ASAP1: variants seen among roughly 807,000 people sequenced by gnomAD.
The protein encoded by ASAP1 is ArfGAP with SH3 domain, ankyrin repeat and PH domain 1, also known as arf-GAP with SH3 domain, ANK repeat and PH domain-containing protein 1.
In ASAP1, 43 loss-of-function variants were observed where a neutral mutation model predicts 145.2. The ratio of observed to expected loss-of-function variants is 0.30; its 90% CI spans 0.23 to 0.38. The LOEUF is 0.38. Among genes scored for constraint, ASAP1 ranks in the 10% least tolerant of loss-of-function variants. The pLI is 1.00. For missense variants in ASAP1, 1,018 were observed against 1,355.3 expected, an observed-to-expected ratio of 0.75 and a Z score of 3.91; for synonymous variants, 546 against 515.5, an observed-to-expected ratio of 1.06 and a Z score of -0.80.
chr8:130,405,577 G>C (rs564208704), intron 1 of ASAP1, among the ~76,000 whole-genome samples: 1 of 152,148 alleles, frequency 6.6e-6, no homozygotes, highest in African/African-American at 2.4e-5. Flanking sequence ...CCTTGTCAGC[G>C]AGCCTCTTTA....
chr8:130,200,580 GA>G (rs1815804872), intron 5 of ASAP1, among the ~76,000 whole-genome samples: 1 of 152,044 alleles, frequency 6.6e-6, no homozygotes, highest in African/African-American at 2.4e-5. Context: ...AAAAATACGA[GA>G]AAAAAGATGT....
At chr8:130,186,035 T>C (rs1047134050) in intron 7 of ASAP1, among the ~76,000 whole-genome samples, 12 of 151,860 alleles carry the variant, frequency 7.9e-5, no homozygotes, top group African/African-American at 2.9e-4. Context: ...AGAACAAGGT[T>C]TTTTTCTTCC....
intron 13 of ASAP1, among the ~76,000 whole-genome samples, chr8:130,143,432 T>C (rs1175543896): frequency 1.2e-4 from 18 of 149,964 alleles, no homozygotes; most frequent in Non-Finnish European, 2.4e-4. Flanking sequence ...TTTTGACATA[T>C]GTTGGTTCAA....
At chr8:130,097,009 C>G (rs59297824) in intron 24 of ASAP1, among the ~76,000 whole-genome samples, 23,905 of 151,266 alleles carry the variant, frequency 0.16, 2,492 homozygotes, top group East Asian at 0.44. Flanking sequence ...ACCTGTAATC[C>G]CAGCTACTTG....
At chr8:130,392,544 G>A (rs567780295) in intron 2 of ASAP1, among the ~76,000 whole-genome samples, 7 of 152,310 alleles carry the variant, frequency 4.6e-5, no homozygotes, top group South Asian at 2.1e-4. Context: ...CAAAACAATC[G>A]TATGTATGAG....
intron 4 of ASAP1, among the ~76,000 whole-genome samples, chr8:130,219,150 C>T (rs560498056): frequency 6.7e-6 from 1 of 149,834 alleles, no homozygotes; most frequent in South Asian, 2.2e-4. Flanking sequence ...CAATACAGAG[C>T]GATGTCTGTA....
chr8:130,175,597 C>T (rs953656571), intron 9 of ASAP1, among the ~76,000 whole-genome samples: 2 of 152,058 alleles, frequency 1.3e-5, no homozygotes, highest in African/African-American at 4.8e-5. Context: ...AATATTTTCT[C>T]CTATTCTGTG....
chr8:130,117,007 G>C lies in ASAP1; in HGVS notation c.1881-12C>G. ...TATCCAGGTTCCCACTGAAAAATTA[G>C]ATGATGATTAGAAAAAAATGACTTA... On this transcript the variant is annotated splice_polypyrimidine_tract_variant and intron_variant, in intron 20 of 29. Coordinates refer to ENST00000518721, the MANE Select transcript of ASAP1 (RefSeq NM_018482.4). The C allele has an allele frequency of 6.3e-7, 1 of 1,575,086 alleles. No individual in the cohort carries two copies. Among genetic ancestry groups the C allele is most frequent in the Non-Finnish European group, 8.7e-7 (1 of 1,156,018 alleles).
Position 130,254,615 on chromosome 8 carries a change from A to C in ASAP1, c.187-17621T>G, listed in dbSNP as rs186061037. ...ACATTAAACAAAATAAAAATAATAA[A>C]ATTCAACTCAAAAGGTCCCCTTTCA... On this transcript the variant is annotated intron_variant, in intron 3 of 29. Transcript: ENST00000518721. 2.9e-3 allele frequency among the ~76,000 whole-genome samples: 446 copies of C among 152,314 alleles called. 3 individuals carry two copies. Among genetic ancestry groups the C allele is most frequent in the African/African-American group, 9.8e-3 (406 of 41,588 alleles).
In ASAP1 at chr8:130,300,184, A is replaced by AGAGCGAGC. The variant is rs1554876475; in HGVS notation, c.186+57825_186+57832dup. Among the ~76,000 whole-genome samples the AGAGCGAGC allele has an allele frequency of 1.1e-3, 157 of 140,338 alleles. 1 individual carries two copies. The highest frequency in any genetic ancestry group is 4.0e-3 in the African/African-American group (143 of 35,908). 92.1% of individuals were successfully genotyped at this position (140,338 alleles called of 152,430 possible). ...GAGAGAGAGAGAGAGAGAGAGAGAG[A>AGAGCGAGC]GAGCGAGCGAGCGAGCAGTCAATAC... On this transcript the variant is annotated intron_variant, in intron 3 of 29. Transcript: ENST00000518721.
intron 23 of ASAP1, among the ~76,000 whole-genome samples, chr8:130,113,532 A>T (rs2097549939): frequency 6.6e-6 from 1 of 152,220 alleles, no homozygotes; most frequent in South Asian, 2.1e-4. Flanking sequence ...TTAAGGCTTG[A>T]GGACCTCTTT....
chr8:130,167,546 T>C lies in ASAP1; in HGVS notation c.899A>G (p.Asp300Gly). The C allele has an allele frequency of 6.2e-7, 1 of 1,613,514 alleles. No homozygotes were observed. Among genetic ancestry groups the C allele is most frequent in the Non-Finnish European group, 8.5e-7 (1 of 1,179,478 alleles). ...ATGTAAACCACTTACTTCTTTCTGA[T>C]CCAGTTGAAGAGAGGATTTTATTAA... Reference protein sequence around the residue: ...RDLIKSSLQLDQKEDSQSRQG... With the variant: ...RDLIKSSLQLGQKEDSQSRQG... The change falls in exon 11 of 30, where the codon GAT (aspartate) becomes GGT (glycine). Residue 300 changes from aspartate (D) to glycine (G), a missense_variant. By Grantham distance (94) the Asp-to-Gly change is moderately conservative. Around this residue, in one of 9 missense-constraint regions of ASAP1, gnomAD observed 62 missense variants for 68.5 expected, o/e 0.90. Coordinates refer to ENST00000518721, the MANE Select transcript of ASAP1 (RefSeq NM_018482.4).
At chr8:130,312,636 T>C (rs922320937) in intron 3 of ASAP1, among the ~76,000 whole-genome samples, 1 of 152,190 alleles carries the variant, frequency 6.6e-6, no homozygotes, top group Non-Finnish European at 1.5e-5. Context: ...TTATAATTTC[T>C]ATTTATAGGT....
At chr8:130,353,228 G>A (rs951624992) in intron 3 of ASAP1, among the ~76,000 whole-genome samples, 10 of 152,164 alleles carry the variant, frequency 6.6e-5, no homozygotes, top group African/African-American at 2.4e-4. Context: ...TACCTCAGTA[G>A]GACTTGGAAA....
At chr8:130,140,730 A>C (rs1165467961) in intron 13 of ASAP1, among the ~76,000 whole-genome samples, 2 of 152,186 alleles carry the variant, frequency 1.3e-5, no homozygotes, top group African/African-American at 4.8e-5. Flanking sequence ...CATCTTGCCT[A>C]AACATAGTGC....
intron 13 of ASAP1, among the ~76,000 whole-genome samples, chr8:130,146,890 C>T (rs1399636950): frequency 2.0e-5 from 3 of 152,102 alleles, no homozygotes; most frequent in Non-Finnish European, 4.4e-5. Context: ...CCCAAATGGG[C>T]TCTGTAAAGT....
At chr8:130,066,621 TTTCATTCA>T (rs201665012) in intron 27 of ASAP1, among the ~76,000 whole-genome samples, 4 of 151,814 alleles carry the variant, frequency 2.6e-5, no homozygotes, top group African/African-American at 4.8e-5. Context: ...TTTCTTTTTC[TTTCATTCA>T]TTCATTCATT....
intron 3 of ASAP1, among the ~76,000 whole-genome samples, chr8:130,290,932 C>A (rs1169670248): frequency 2.0e-5 from 3 of 152,154 alleles, no homozygotes; most frequent in Admixed American, 2.0e-4. Context: ...ATTCAATGTG[C>A]CATTCCAATG....
intron 3 of ASAP1, among the ~76,000 whole-genome samples, chr8:130,265,359 C>A (rs571369652): frequency 6.6e-6 from 1 of 152,062 alleles, no homozygotes; most frequent in Non-Finnish European, 1.5e-5. Flanking sequence ...CTGCTTGAGC[C>A]CAGGAGCTTG....
Sources: gnomAD v4.1 joint callset for allele counts (sites outside exome capture counted in the v4.1 genomes callset) on GRCh38, gnomAD v4.1.1 for gene constraint, gnomAD v4.1.1 regional missense constraint, MANE v1.5 for transcripts, NCBI Gene and HGNC (gene_info 2026-07-23, HGNC 2026-07-21) for gene names.